CTNNA3: variants seen among roughly 807,000 people sequenced by gnomAD.
The protein encoded by CTNNA3 is catenin alpha 3.
Under a neutral mutation model 95.7 loss-of-function variants are expected in CTNNA3, and 76 were observed. The ratio of observed to expected loss-of-function variants is 0.79; its 90% CI spans 0.66 to 0.96. The LOEUF is 0.96. Among genes scored for constraint, CTNNA3 ranks in the 40% least tolerant of loss-of-function variants. The pLI, the probability that CTNNA3 is intolerant of heterozygous loss-of-function variation, is 0.00. For missense variants in CTNNA3, 1,191 were observed against 1,089.8 expected (o/e 1.09, Z -1.31); for synonymous variants, 431 against 374.4 (o/e 1.15, Z -1.74).
intron 7 of CTNNA3, among the ~76,000 whole-genome samples, chr10:66,955,968 G>C (rs1848768680): frequency 1.3e-5 from 2 of 152,114 alleles, no homozygotes; most frequent in African/African-American, 4.8e-5. Flanking sequence ...ATGGAGTAGT[G>C]CTCTGCCAGA....
intron 3 of CTNNA3, among the ~76,000 whole-genome samples, chr10:67,566,951 C>T (rs535232818): frequency 7.0e-6 from 1 of 142,160 alleles, no homozygotes; most frequent in South Asian, 2.2e-4. Flanking sequence ...TGTTCTCACT[C>T]ATAGGTGGGA....
At chr10:67,017,615 G>A (rs1027036049) in intron 7 of CTNNA3, among the ~76,000 whole-genome samples, 2 of 152,046 alleles carry the variant, frequency 1.3e-5, no homozygotes, top group African/African-American at 4.8e-5. Context: ...TACAACACCA[G>A]CCATAGTTCT....
At chr10:66,958,054 C>A (rs1273588996) in intron 7 of CTNNA3, among the ~76,000 whole-genome samples, 1 of 152,156 alleles carries the variant, frequency 6.6e-6, no homozygotes, top group East Asian at 1.9e-4. Context: ...ATTGAACACA[C>A]AAACTATGCA....
chr10:67,466,470 GT>G (rs1847599234), intron 5 of CTNNA3, among the ~76,000 whole-genome samples: 1 of 152,128 alleles, frequency 6.6e-6, no homozygotes, highest in Admixed American at 6.6e-5. Flanking sequence ...CTATAGAAAA[GT>G]TTAGGTGCTA....
chr10:66,463,888 T>G (rs1006123256), intron 11 of CTNNA3, among the ~76,000 whole-genome samples: 5 of 146,168 alleles, frequency 3.4e-5, no homozygotes, highest in African/African-American at 1.2e-4. Context: ...ACTTTCCAAT[T>G]TTTTTTTTTT....
chr10:67,181,352 A>G (rs1862532706), intron 6 of CTNNA3, among the ~76,000 whole-genome samples: 1 of 152,160 alleles, frequency 6.6e-6, no homozygotes, highest in African/African-American at 2.4e-5. Context: ...ACAGCCTCTT[A>G]AGAAAAGATG....
intron 13 of CTNNA3, among the ~76,000 whole-genome samples, chr10:66,216,794 T>C: frequency 6.6e-6 from 1 of 152,212 alleles, no homozygotes; most frequent in East Asian, 1.9e-4. Flanking sequence ...CCAATGGTTC[T>C]GTGGTACATA....
chr10:66,292,821 A>G (rs182974944), intron 12 of CTNNA3, among the ~76,000 whole-genome samples: 9 of 152,236 alleles, frequency 5.9e-5, no homozygotes, highest in African/African-American at 2.2e-4. Flanking sequence ...AGTATATATA[A>G]GCAATTTTGT....
intron 7 of CTNNA3, among the ~76,000 whole-genome samples, chr10:66,882,116 A>C (rs1554871015): frequency 6.6e-6 from 1 of 152,072 alleles, no homozygotes; most frequent in Non-Finnish European, 1.5e-5. Flanking sequence ...TGCCCTATAC[A>C]TATCAAAATA....
At chr10:67,749,039 A>G (rs1841388441) in intron 1 of CTNNA3, among the ~76,000 whole-genome samples, 1 of 152,218 alleles carries the variant, frequency 6.6e-6, no homozygotes, top group African/African-American at 2.4e-5. Flanking sequence ...TAAACCAACA[A>G]AGATCAAAAA....
At chr10:67,382,551 C>G (rs2132735738) in intron 5 of CTNNA3, among the ~76,000 whole-genome samples, 2 of 152,260 alleles carry the variant, frequency 1.3e-5, no homozygotes, top group African/African-American at 4.8e-5. Context: ...TTATGATCTT[C>G]TTGACAACAT....
At chr10:66,310,020 A>G (rs373574740) in intron 12 of CTNNA3, among the ~76,000 whole-genome samples, 16 of 151,640 alleles carry the variant, frequency 1.1e-4, no homozygotes, top group African/African-American at 3.6e-4. Context: ...GCTACTTGGG[A>G]GGCTGAGGCA....
intron 5 of CTNNA3, among the ~76,000 whole-genome samples, chr10:67,417,432 C>T (rs1845585043): frequency 6.6e-6 from 1 of 152,052 alleles, no homozygotes; most frequent in Admixed American, 6.6e-5. Context: ...CATGTACCCC[C>T]TGTATCTACA....
intron 7 of CTNNA3, among the ~76,000 whole-genome samples, chr10:66,781,941 T>C (rs10437376): frequency 0.67 from 102,270 of 152,026 alleles, 34,991 homozygotes; most frequent in East Asian, 1. Context: ...CAGGTAGAAC[T>C]GTGTCCCATC....
At chr10:66,470,143 G>A (rs1289229535) in intron 11 of CTNNA3, among the ~76,000 whole-genome samples, 2 of 151,794 alleles carry the variant, frequency 1.3e-5, no homozygotes, top group East Asian at 1.9e-4. Flanking sequence ...CTTTGGATAG[G>A]AGGAACAACA....
chr10:66,589,479 T>C lies in CTNNA3; in HGVS notation c.1374+32213A>G, dbSNP rs141672862. Among the ~76,000 whole-genome samples the C allele has an allele frequency of 1.7e-3, 265 of 152,232 alleles. 1 individual carries two copies. The highest frequency in any genetic ancestry group is 5.8e-3 in the African/African-American group (239 of 41,544). Reference sequence around the variant, plus strand: ...CAATAGTGTTTTCTACATTAACATTTTCTCTTTACTATAAACACCCATGGT... The same window carrying C: ...CAATAGTGTTTTCTACATTAACATTCTCTCTTTACTATAAACACCCATGGT... On this transcript the variant is annotated intron_variant, in intron 10 of 17. Transcript: ENST00000433211.
chr10:67,236,516 T>TGGGGGGGGGGGGG (rs1283943786), intron 5 of CTNNA3, among the ~76,000 whole-genome samples: 1 of 22,494 alleles, frequency 4.4e-5, no homozygotes, highest in African/African-American at 1.2e-4. Flanking sequence ...TGTTGTGGGG[T>TGGGGGGGGGGGGG]GGGGGGGGTG....
chr10:66,089,933 T>C (rs1309921111), intron 14 of CTNNA3, among the ~76,000 whole-genome samples: 1 of 151,944 alleles, frequency 6.6e-6, no homozygotes, highest in Non-Finnish European at 1.5e-5. Context: ...GAAAATGAAA[T>C]CCTTTTTCCT....
chr10:67,533,848 A>G (rs1363020485), intron 4 of CTNNA3, among the ~76,000 whole-genome samples: 2 of 152,206 alleles, frequency 1.3e-5, no homozygotes, highest in East Asian at 3.9e-4. Flanking sequence ...ACATGCTATT[A>G]AAAGAGAGTA....
Sources: gnomAD v4.1 joint callset for allele counts (sites outside exome capture counted in the v4.1 genomes callset) on GRCh38, gnomAD v4.1.1 for gene constraint, MANE v1.5 for transcripts, NCBI Gene and HGNC (gene_info 2026-07-23, HGNC 2026-07-21) for gene names.